The following DCAF5 variants were observed in gnomAD, a reference collection of about 807,000 sequenced individuals.
DCAF5 encodes DDB1- and CUL4-associated factor 5.
A neutral mutation model predicts 80.7 loss-of-function variants in DCAF5; 9 were observed. The ratio of observed to expected loss-of-function variants is 0.11; its 90% CI spans 0.07 to 0.19. DCAF5 has a LOEUF of 0.19. Ranked by LOEUF, DCAF5 falls within the 10% of genes least tolerant of loss-of-function variation. DCAF5 has a pLI of 1.00. For missense variants in DCAF5, 842 were observed against 1,205.7 expected, an observed-to-expected ratio of 0.70 and a Z score of 4.47; for synonymous variants, 433 against 461.9, an observed-to-expected ratio of 0.94 and a Z score of 0.80.
chr14:69,087,256 G>A (rs748147598), intron 6 of DCAF5, among the ~76,000 whole-genome samples: 8 of 152,192 alleles, frequency 5.3e-5, no homozygotes, highest in Non-Finnish European at 1.0e-4. Flanking sequence ...ACCCTATTAA[G>A]AGACTCGCTC....
At chr14:69,099,543 C>CATA (rs2039877329) in intron 5 of DCAF5, among the ~76,000 whole-genome samples, 1 of 152,112 alleles carries the variant, frequency 6.6e-6, no homozygotes, top group Non-Finnish European at 1.5e-5. Context: ...ATGACGCCAC[C>CATA]ATACATCCTT....
chr14:69,106,603 CT>C (rs2040169017), intron 5 of DCAF5, among the ~76,000 whole-genome samples: 1 of 152,120 alleles, frequency 6.6e-6, no homozygotes, highest in Admixed American at 6.5e-5. Flanking sequence ...AACTCCTAGC[CT>C]CAAGCAATCC....
chr14:69,087,256 G>C (rs748147598), intron 6 of DCAF5, among the ~76,000 whole-genome samples: 1 of 152,192 alleles, frequency 6.6e-6, no homozygotes, highest in South Asian at 2.1e-4. Flanking sequence ...ACCCTATTAA[G>C]AGACTCGCTC....
At chr14:69,142,407 C>T (rs1190944536) in intron 1 of DCAF5, among the ~76,000 whole-genome samples, 3 of 152,134 alleles carry the variant, frequency 2.0e-5, no homozygotes, top group Non-Finnish European at 1.5e-5. Flanking sequence ...AGTCCAAGAC[C>T]GGAACCAATG....
intron 6 of DCAF5, chr14:69,089,837 G>A: frequency 1.4e-6 from 1 of 721,384 alleles, no homozygotes; most frequent in South Asian, 6.2e-5. Flanking sequence ...GAAGAGGCTA[G>A]GGATACTGCT....
chr14:69,055,301 G>A lies in DCAF5; in HGVS notation c.1385C>T (p.Ser462Leu), dbSNP rs1230396454. ...ERSGYTDSES[S>L]ASLPRSPPPT... ...AGGCGGGGAGCGAGGCAATGAGGCC[G>A]AAGACTCTGAGTCAGTGTAGCCTGA... Residue 462 changes from serine (S) to leucine (L), a missense_variant, in exon 9 of 9, where the codon TCG (serine) becomes TTG (leucine). Transcript: ENST00000341516. The surrounding 1 kb of genome is among the most constrained non-coding windows in gnomAD (Gnocchi z 5.6). The A allele has an allele frequency of 3.7e-6, 6 of 1,614,032 alleles. No homozygotes were observed. Among genetic ancestry groups the A allele is most frequent in the Admixed American group, 1.7e-5 (1 of 60,008 alleles).
rs985486599 is a variant in DCAF5, at chr14:69,051,163, C to G, written c.*2694G>C. On this transcript the variant is annotated 3_prime_UTR_variant, in exon 9 of 9. Transcript: ENST00000341516. ...TGGAAAATAGAGAGAAATGATTTTA[C>G]ATATCTGGACCTGCCACTTAAAACT... 3 of 152,536 alleles carry G rather than the reference C, an allele frequency of 2.0e-5. No individual in the cohort carries two copies. Among genetic ancestry groups the G allele is most frequent in the Non-Finnish European group, 4.4e-5 (3 of 68,028 alleles). 9.4% of individuals were successfully genotyped at this position (152,536 alleles called of 1,614,324 possible).
chr14:69,126,286 T>C (rs2040872780), intron 1 of DCAF5, among the ~76,000 whole-genome samples: 1 of 151,538 alleles, frequency 6.6e-6, no homozygotes, highest in East Asian at 1.9e-4. Flanking sequence ...GCCTCCTGAG[T>C]AGCTGGGATT....
intron 1 of DCAF5, among the ~76,000 whole-genome samples, chr14:69,130,344 A>C (rs1159458972): frequency 1.3e-5 from 2 of 152,204 alleles, no homozygotes; most frequent in African/African-American, 2.4e-5. Context: ...ACATAAAAGG[A>C]CAAATATTGT....
intron 1 of DCAF5, among the ~76,000 whole-genome samples, chr14:69,127,896 C>T (rs1199296533): frequency 6.6e-6 from 1 of 152,132 alleles, no homozygotes; most frequent in Non-Finnish European, 1.5e-5. Flanking sequence ...AACAAATCAT[C>T]AACATTTTGT....
chr14:69,114,499 A>G (rs536559721), intron 5 of DCAF5, among the ~76,000 whole-genome samples: 1 of 152,328 alleles, frequency 6.6e-6, no homozygotes, highest in East Asian at 1.9e-4. Flanking sequence ...CAATTTTTTT[A>G]AAGGATGCAT....
intron 7 of DCAF5, among the ~76,000 whole-genome samples, chr14:69,064,429 G>A (rs2038352992): frequency 1.3e-5 from 2 of 152,100 alleles, no homozygotes; most frequent in South Asian, 4.1e-4. Context: ...AAAAAGAGGG[G>A]GGATGTGGGG....
At position 69,141,834 on chromosome 14, in the gene DCAF5, T is replaced by G. The variant is rs114337753; in HGVS notation, c.214+10931A>C. 2.5e-3 allele frequency among the ~76,000 whole-genome samples: 376 copies of G among 152,334 alleles called. 1 individual carries two copies. Among genetic ancestry groups the G allele is most frequent in the African/African-American group, 8.2e-3 (341 of 41,582 alleles). ...CTGCTATGTGGATCCATTATAAACCTGTCAATTTCCTCAGATGCCATTTTC... is the reference window on the plus strand; with the variant it reads ...CTGCTATGTGGATCCATTATAAACCGGTCAATTTCCTCAGATGCCATTTTC... On this transcript the variant is annotated intron_variant, in intron 1 of 8. Transcript: ENST00000341516.
chr14:69,122,659 T>A (rs1385082563), intron 1 of DCAF5, among the ~76,000 whole-genome samples: 1 of 152,196 alleles, frequency 6.6e-6, no homozygotes, highest in Non-Finnish European at 1.5e-5. Flanking sequence ...GTTGTTTAAA[T>A]ATTTCTTCAT....
intron 5 of DCAF5, among the ~76,000 whole-genome samples, chr14:69,101,405 G>A (rs751965475): frequency 7.2e-5 from 11 of 152,146 alleles, no homozygotes; most frequent in Non-Finnish European, 1.6e-4. Flanking sequence ...AGATGTTACC[G>A]TTTCCATGAA....
intron 5 of DCAF5, among the ~76,000 whole-genome samples, chr14:69,092,324 TA>T (rs1336626622): frequency 6.6e-6 from 1 of 152,024 alleles, no homozygotes; most frequent in African/African-American, 2.4e-5. Context: ...GAACCATCAG[TA>T]AAAACAATAG....
rs185370559 is a variant in DCAF5, at chr14:69,054,757, T to C, written c.1929A>G (p.Gln643=). Residue 643 remains glutamine (Q), a synonymous_variant, in exon 9 of 9, where the codon CAA becomes CAG. Coordinates refer to ENST00000341516, the MANE Select transcript of DCAF5 (RefSeq NM_003861.3). ...CAGAAGTTGGTGATGCCCGGCTTGG[T>C]TGAATCTCTAGCGTGGAAGTGCTCC... ...PERSTSTLEI[Q]PSRASPTSDI... 32 of 1,614,132 alleles carry C rather than the reference T, an allele frequency of 2.0e-5. No homozygotes were observed. Among genetic ancestry groups the C allele is most frequent in the Admixed American group, 8.3e-5 (5 of 60,010 alleles).
intron 6 of DCAF5, chr14:69,089,238 T>C (rs2039448302): frequency 6.6e-6 from 1 of 152,600 alleles, no homozygotes; most frequent in Non-Finnish European, 1.5e-5. Context: ...GTTCTCACTG[T>C]GTGCCAGGAT....
Position 69,091,898 on chromosome 14 carries a change from C to A in DCAF5, c.666-11G>T. The A allele has an allele frequency of 6.2e-7, 1 of 1,604,316 alleles. No individual in the cohort carries two copies. Among genetic ancestry groups the A allele is most frequent in the Non-Finnish European group, 8.5e-7 (1 of 1,174,490 alleles). On this transcript the variant is annotated splice_polypyrimidine_tract_variant and intron_variant, in intron 5 of 8. Transcript: ENST00000341516. ...TAGCGCAGGAGAGAACTGGAAGGCACAAGGCACAGGAATCAGGCATGAGAT... is the reference window on the plus strand; with the variant it reads ...TAGCGCAGGAGAGAACTGGAAGGCAAAAGGCACAGGAATCAGGCATGAGAT...
Sources: gnomAD v4.1 joint callset for allele counts (sites outside exome capture counted in the v4.1 genomes callset) on GRCh38, gnomAD v4.1.1 for gene constraint, Gnocchi (gnomAD v3.1) non-coding constraint, MANE v1.5 for transcripts, NCBI Gene and HGNC (gene_info 2026-07-23, HGNC 2026-07-21) for gene names.